The following PPP3CA variants were observed in gnomAD, a reference collection of about 807,000 sequenced individuals.
PPP3CA encodes CAM-PRP catalytic subunit.
Under a neutral mutation model 66.5 loss-of-function variants are expected in PPP3CA, and 14 were observed. The ratio of observed to expected loss-of-function variants is 0.21; its 90% CI spans 0.14 to 0.33. PPP3CA has a LOEUF of 0.33. Among genes scored for constraint, PPP3CA ranks in the 10% least tolerant of loss-of-function variants. PPP3CA has a pLI of 1.00. For missense variants in PPP3CA, 317 were observed against 639.5 expected (o/e 0.50, Z 5.44); for synonymous variants, 232 against 226.2 (o/e 1.03, Z -0.23).
chr4:101,164,249 C>T (rs1038702977), intron 2 of PPP3CA, among the ~76,000 whole-genome samples: 1 of 149,340 alleles, frequency 6.7e-6, no homozygotes, highest in East Asian at 2.0e-4. Context: ...CCACCCCATA[C>T]AATTTTCTAT....
intron 1 of PPP3CA, among the ~76,000 whole-genome samples, chr4:101,249,179 A>C (rs1578593629): frequency 7.0e-6 from 1 of 143,242 alleles, no homozygotes; most frequent in Admixed American, 7.0e-5. Flanking sequence ...AAAAAAAAAA[A>C]CCAAAAAACA....
chr4:101,057,077 A>G (rs572448610), intron 10 of PPP3CA, among the ~76,000 whole-genome samples: 88 of 150,448 alleles, frequency 5.8e-4, no homozygotes, highest in African/African-American at 2.1e-3. Flanking sequence ...TTTTTTTTGA[A>G]TCAGTCTCAC....
intron 2 of PPP3CA, among the ~76,000 whole-genome samples, chr4:101,154,756 G>A (rs1030381891): frequency 6.6e-6 from 1 of 151,240 alleles, no homozygotes; most frequent in Non-Finnish European, 1.5e-5. Context: ...TGTTCTGCCT[G>A]GCATGGAATT....
chr4:101,032,237 GCA>G, intron 12 of PPP3CA, 28 bp downstream of exon 12: 1 of 1,493,388 alleles, frequency 6.7e-7, no homozygotes, highest in Non-Finnish European at 9.1e-7. Context: ...CGATGCCCCA[GCA>G]CACAGTCATA....
At chr4:101,128,913 G>A (rs1474560000) in intron 2 of PPP3CA, among the ~76,000 whole-genome samples, 1 of 152,080 alleles carries the variant, frequency 6.6e-6, no homozygotes, top group Non-Finnish European at 1.5e-5. Flanking sequence ...TCACTCCCCT[G>A]GAAAGGGGGC....
chr4:101,247,401 A>T (rs1726520931), intron 1 of PPP3CA, among the ~76,000 whole-genome samples: 2 of 151,934 alleles, frequency 1.3e-5, no homozygotes, highest in African/African-American at 4.8e-5. Context: ...GCCTCAGGTG[A>T]TTCTCCCACC....
At chr4:101,229,719 C>G (rs898927035) in intron 1 of PPP3CA, among the ~76,000 whole-genome samples, 2 of 151,466 alleles carry the variant, frequency 1.3e-5, no homozygotes, top group African/African-American at 4.8e-5. Context: ...GTTAACTGTT[C>G]CCTTCTGTAC....
At chr4:101,274,425 C>T (rs767122353) in intron 1 of PPP3CA, among the ~76,000 whole-genome samples, 1 of 152,132 alleles carries the variant, frequency 6.6e-6, no homozygotes, top group Non-Finnish European at 1.5e-5. Context: ...GTTAATTGGG[C>T]ACAACATCCA....
At chr4:101,137,931 A>T (rs1477646367) in intron 2 of PPP3CA, among the ~76,000 whole-genome samples, 1 of 152,112 alleles carries the variant, frequency 6.6e-6, no homozygotes, top group Non-Finnish European at 1.5e-5. Context: ...AAAATAAAAA[A>T]TTCAAACCAG....
At chr4:101,331,111 G>A (rs1729371584) in intron 1 of PPP3CA, among the ~76,000 whole-genome samples, 1 of 152,114 alleles carries the variant, frequency 6.6e-6, no homozygotes, top group African/African-American at 2.4e-5. Flanking sequence ...CTAATAACAA[G>A]TATTTTCTAT....
chr4:101,162,042 C>T (rs1456456980), intron 2 of PPP3CA, among the ~76,000 whole-genome samples: 1 of 152,108 alleles, frequency 6.6e-6, no homozygotes, highest in Non-Finnish European at 1.5e-5. Context: ...GAGTTCGAAA[C>T]CGGCCTGGCC....
At chr4:101,142,076 A>C (rs1722827849) in intron 2 of PPP3CA, among the ~76,000 whole-genome samples, 1 of 151,784 alleles carries the variant, frequency 6.6e-6, no homozygotes, top group Non-Finnish European at 1.5e-5. Flanking sequence ...AGAAGAAGTT[A>C]TTGTGGTCTA....
chr4:101,161,060 T>G (rs959134394), intron 2 of PPP3CA, among the ~76,000 whole-genome samples: 5 of 152,302 alleles, frequency 3.3e-5, no homozygotes, highest in Admixed American at 2.0e-4. Flanking sequence ...CTGTGTCTTT[T>G]CTATGTTTAG....
chr4:101,278,132 A>AT (rs1257326154), intron 1 of PPP3CA, among the ~76,000 whole-genome samples: 42 of 143,442 alleles, frequency 2.9e-4, no homozygotes, highest in African/African-American at 1.2e-3. Context: ...TAAAAAAAAA[A>AT]AAAAAAATAA....
At chr4:101,343,300 A>AACC in intron 1 of PPP3CA, among the ~76,000 whole-genome samples, 1 of 152,176 alleles carries the variant, frequency 6.6e-6, no homozygotes, top group Non-Finnish European at 1.5e-5. Context: ...AGTATTTTTA[A>AACC]CTATCACATA....
intron 8 of PPP3CA, among the ~76,000 whole-genome samples, chr4:101,064,774 A>G (rs1048564601): frequency 6.6e-6 from 1 of 152,090 alleles, no homozygotes; most frequent in Non-Finnish European, 1.5e-5. Flanking sequence ...GTGGCCCAGA[A>G]GTAATATAAT....
chr4:101,164,476 G>T (rs1305093743), intron 2 of PPP3CA, among the ~76,000 whole-genome samples: 1 of 150,576 alleles, frequency 6.6e-6, no homozygotes, highest in East Asian at 2.0e-4. Context: ...TGAATCAATT[G>T]TTTTGATTTC....
At chr4:101,054,120 GTTT>G (rs572027760) in intron 10 of PPP3CA, among the ~76,000 whole-genome samples, 6 of 151,310 alleles carry the variant, frequency 4.0e-5, no homozygotes, top group African/African-American at 1.2e-4. Context: ...ATCTAAATGG[GTTT>G]TTTTTCTATT....
In PPP3CA at chr4:101,083,270, G is replaced by A. The variant is rs1274325731; in HGVS notation, c.783-7C>T. 6.2e-7 allele frequency: 1 copy of A among 1,605,300 alleles called. No homozygotes were observed. The highest frequency in any genetic ancestry group is 2.2e-5 in the East Asian group (1 of 44,570). ...TTCACATACAGCCGGGTAACTGCCA[G>A]AGACAAAAAGAAAAGGGAAGCATCT... On this transcript the variant is annotated splice_polypyrimidine_tract_variant and splice_region_variant and intron_variant, in intron 6 of 13. Transcript: ENST00000394854.
Sources: gnomAD v4.1 joint callset for allele counts (sites outside exome capture counted in the v4.1 genomes callset) on GRCh38, gnomAD v4.1.1 for gene constraint, MANE v1.5 for transcripts, NCBI Gene and HGNC (gene_info 2026-07-23, HGNC 2026-07-21) for gene names.